GRB2: variants seen among roughly 807,000 people sequenced by gnomAD.
The protein encoded by GRB2 is growth factor receptor-bound protein 2.
A neutral mutation model predicts 27.4 loss-of-function variants in GRB2; 2 were observed. The observed-to-expected ratio is 0.07, with a 90% confidence interval of 0.03 to 0.23. The LOEUF is 0.23. Ranked by LOEUF, GRB2 falls within the 10% of genes least tolerant of loss-of-function variation. GRB2 has a pLI of 1.00. For missense variants in GRB2, 102 were observed against 282.4 expected (o/e 0.36, Z 4.58); for synonymous variants, 94 against 99.6 (o/e 0.94, Z 0.33).
At chr17:75,341,702 T>C (rs1862010324) in intron 2 of GRB2, among the ~76,000 whole-genome samples, 1 of 152,054 alleles carries the variant, frequency 6.6e-6, no homozygotes, top group South Asian at 2.1e-4. Context: ...AGGAAGGAGT[T>C]GTGCCCCATG....
chr17:75,334,689 T>C (rs1037008714), intron 2 of GRB2, among the ~76,000 whole-genome samples: 5 of 152,146 alleles, frequency 3.3e-5, no homozygotes, highest in Non-Finnish European at 5.9e-5. Flanking sequence ...CCTGTAATCC[T>C]GGCAGTTTGG....
intron 2 of GRB2, among the ~76,000 whole-genome samples, chr17:75,377,785 T>G (rs375123790): frequency 6.6e-6 from 1 of 151,564 alleles, no homozygotes; most frequent in South Asian, 2.1e-4. Context: ...CACACGCCTG[T>G]AGTCCCAGCT....
intron 2 of GRB2, among the ~76,000 whole-genome samples, chr17:75,383,121 A>T (rs2145864513): frequency 6.6e-6 from 1 of 151,618 alleles, no homozygotes; most frequent in East Asian, 1.9e-4. Context: ...AGAGATACTG[A>T]AATCGACCTT....
intron 2 of GRB2, among the ~76,000 whole-genome samples, chr17:75,341,884 T>C (rs1049333435): frequency 3.3e-5 from 5 of 152,202 alleles, no homozygotes; most frequent in African/African-American, 1.2e-4. Context: ...TAAAAAGCCG[T>C]AAGTATCCTT....
intron 2 of GRB2, among the ~76,000 whole-genome samples, chr17:75,392,782 A>G (rs903695649): frequency 6.6e-6 from 1 of 152,242 alleles, no homozygotes; most frequent in African/African-American, 2.4e-5. Flanking sequence ...GCTACAGTCA[A>G]TTGGGTAAAC....
chr17:75,345,026 G>T (rs2078645787), intron 2 of GRB2, among the ~76,000 whole-genome samples: 1 of 151,446 alleles, frequency 6.6e-6, no homozygotes, highest in South Asian at 2.1e-4. Flanking sequence ...GACAACAGAG[G>T]TTTTTTTTTA....
intron 2 of GRB2, among the ~76,000 whole-genome samples, chr17:75,379,368 A>T (rs1277560171): frequency 6.7e-6 from 1 of 149,800 alleles, no homozygotes; most frequent in Non-Finnish European, 1.5e-5. Context: ...AAAAATTTTA[A>T]AAGAATTAAA....
intron 3 of GRB2, among the ~76,000 whole-genome samples, chr17:75,331,899 G>T (rs1259114851): frequency 1.3e-5 from 2 of 152,130 alleles, no homozygotes; most frequent in African/African-American, 2.4e-5. Context: ...GATCCAACAG[G>T]CCCCTCCCAC....
intron 2 of GRB2, among the ~76,000 whole-genome samples, chr17:75,358,476 G>A (rs1025799407): frequency 9.2e-5 from 14 of 151,918 alleles, no homozygotes; most frequent in Admixed American, 6.6e-5. Flanking sequence ...TTACCTTTGA[G>A]TGTTTGCTGA....
At chr17:75,388,350 G>A (rs997265020) in intron 2 of GRB2, among the ~76,000 whole-genome samples, 1 of 152,098 alleles carries the variant, frequency 6.6e-6, no homozygotes, top group South Asian at 2.1e-4. Flanking sequence ...TGATCCATGC[G>A]CCTCGGCCTC....
chr17:75,369,855 C>CAAA lies in GRB2; in HGVS notation c.78+23693_78+23695dup, dbSNP rs11368419. 4.2e-3 allele frequency among the ~76,000 whole-genome samples: 603 copies of CAAA among 144,434 alleles called. 4 individuals are homozygous for CAAA. The highest frequency in any genetic ancestry group is 0.022 in the South Asian group (101 of 4,592). The allele number at this position is 144,434 out of a possible 152,430, so 94.8% of individuals were successfully genotyped here. A position where few individuals can be genotyped will look rare whatever the true frequency, so the allele number is the denominator to read the frequency against. On this transcript the variant is annotated intron_variant, in intron 2 of 5. Coordinates refer to ENST00000316804, the MANE Select transcript of GRB2 (RefSeq NM_002086.5). ...AGCCTGGGCAACAGAGACTCCGTCT[C>CAAA]AAAAAAAAAAAACTGTTTTTGACTA... is the stretch of plus-strand genomic sequence containing the variant.
At chr17:75,321,522 A>G in intron 5 of GRB2, 137 bp downstream of exon 5, 1 of 724,712 alleles carries the variant, frequency 1.4e-6, no homozygotes, top group East Asian at 2.5e-5. Flanking sequence ...CATTTTCAGT[A>G]AGGAGCACAG....
chr17:75,329,705 C>A (rs1793122982), intron 3 of GRB2, among the ~76,000 whole-genome samples: 2 of 151,952 alleles, frequency 1.3e-5, no homozygotes, highest in South Asian at 2.1e-4. Flanking sequence ...CCAGCCCGGG[C>A]AACACAGTGA....
chr17:75,322,823 ACT>A (rs56188403), intron 4 of GRB2, among the ~76,000 whole-genome samples: 88,994 of 151,876 alleles, frequency 0.59, 31,223 homozygotes, highest in East Asian at 0.87. Context: ...CTGGCCGGGC[ACT>A]CTCGGCATTC....
At chr17:75,364,238 G>A (rs1035977519) in intron 2 of GRB2, among the ~76,000 whole-genome samples, 3 of 152,010 alleles carry the variant, frequency 2.0e-5, no homozygotes, top group Non-Finnish European at 4.4e-5. Context: ...GGCTTAAATC[G>A]CCAGCCCATA....
intron 4 of GRB2, among the ~76,000 whole-genome samples, chr17:75,325,538 G>A (rs1308832345): frequency 6.6e-6 from 1 of 152,198 alleles, no homozygotes. Context: ...CAGTGGACCT[G>A]AGCAAGGCAA....
chr17:75,337,891 AC>A (rs1421653223), intron 2 of GRB2, among the ~76,000 whole-genome samples: 18 of 126,574 alleles, frequency 1.4e-4, no homozygotes, highest in South Asian at 5.3e-4. Context: ...TACTACTACT[AC>A]TACTACTACT....
At chr17:75,387,400 T>G (rs2078971345) in intron 2 of GRB2, 1 of 150,262 alleles carries the variant, frequency 6.7e-6, no homozygotes, top group African/African-American at 2.5e-5. Flanking sequence ...TGCAGTGAGC[T>G]ATGATGGCAC....
chr17:75,385,697 T>C (rs1234264777), intron 2 of GRB2, among the ~76,000 whole-genome samples: 1 of 152,214 alleles, frequency 6.6e-6, no homozygotes, highest in African/African-American at 2.4e-5. Flanking sequence ...CTTTACAAGA[T>C]TTGCGTGAGA....
Sources: allele counts gnomAD v4.1 joint callset (sites outside exome capture counted in the v4.1 genomes callset), GRCh38; gene constraint gnomAD v4.1.1; transcripts MANE v1.5; gene names NCBI Gene and HGNC (gene_info 2026-07-23, HGNC 2026-07-21).